Variants in NEK5 observed in about 807,000 individuals in gnomAD.
NEK5 encodes the protein serine/threonine-protein kinase Nek5.
In NEK5, 88 loss-of-function variants were observed where a neutral mutation model predicts 109.2. The observed-to-expected ratio is 0.81, with a 90% CI of 0.68 to 0.96. The LOEUF is 0.96. Among genes scored for constraint, NEK5 ranks in the 40% least tolerant of loss-of-function variants. The pLI is 0.00. For missense variants in NEK5, 834 were observed against 920.7 expected (o/e 0.91, Z 1.22); for synonymous variants, 283 against 299.9 (o/e 0.94, Z 0.58).
In NEK5 at chr13:52,071,410, C is replaced by G. The variant is rs188224784; in HGVS notation, c.1849+534G>C. On this transcript the variant is annotated intron_variant, in intron 20 of 23. Coordinates refer to ENST00000684899, the MANE Select transcript of NEK5 (RefSeq NM_001365552.1). ...GACCCTATAAAACTTCCCTCTAGCCCCTGCCTCTTAGCAGACAGCCTCTTC... is the reference window on the plus strand; with the variant it reads ...GACCCTATAAAACTTCCCTCTAGCCGCTGCCTCTTAGCAGACAGCCTCTTC... 2.4e-3 allele frequency among the ~76,000 whole-genome samples: 361 copies of G among 152,338 alleles called. 2 individuals carry two copies. The highest frequency in any genetic ancestry group is 8.3e-3 in the African/African-American group (345 of 41,578).
At chr13:52,063,354 CG>C (rs1446024831) in intron 21 of NEK5, among the ~76,000 whole-genome samples, 1 of 152,224 alleles carries the variant, frequency 6.6e-6, no homozygotes, top group African/African-American at 2.4e-5. Flanking sequence ...GGTTTGCAGA[CG>C]GAGTCTGGTT....
intron 12 of NEK5, 72 bp downstream of exon 12, chr13:52,099,671 A>C: frequency 1.4e-6 from 2 of 1,394,522 alleles, no homozygotes; most frequent in East Asian, 4.9e-5. Context: ...TCCGTCTCAA[A>C]ACAAACAAAC....
chr13:52,080,221 G>T (rs1336399612), intron 17 of NEK5, among the ~76,000 whole-genome samples: 2 of 140,100 alleles, frequency 1.4e-5, no homozygotes, highest in Non-Finnish European at 3.3e-5. Context: ...AGGTGGGGGG[G>T]GGTCAGCCCC....
At chr13:52,079,132 G>A (rs1297037270) in intron 17 of NEK5, among the ~76,000 whole-genome samples, 1 of 152,182 alleles carries the variant, frequency 6.6e-6, no homozygotes, top group Admixed American at 6.5e-5. Context: ...AAAAAGCTGT[G>A]CTAGAAACTT....
chr13:52,128,593 A>C (rs1361416786), intron 1 of NEK5, among the ~76,000 whole-genome samples: 1 of 152,112 alleles, frequency 6.6e-6, no homozygotes, highest in Non-Finnish European at 1.5e-5. Flanking sequence ...ACTGGGTTGC[A>C]GGGGGCTGGG....
At chr13:52,047,679 A>T (rs1275462779) in intron 23 of NEK5, among the ~76,000 whole-genome samples, 1 of 151,956 alleles carries the variant, frequency 6.6e-6, no homozygotes. Context: ...CGTCTCTACA[A>T]AAAACAAAAA....
At chr13:52,101,528 T>A (rs1955531066) in intron 11 of NEK5, among the ~76,000 whole-genome samples, 1 of 152,230 alleles carries the variant, frequency 6.6e-6, no homozygotes, top group East Asian at 1.9e-4. Context: ...GCTCCAATGG[T>A]CCTTTGCAAC....
In NEK5 at chr13:52,100,649, G is replaced by C. The variant is rs531499820; in HGVS notation, c.893-773C>G. 3.3e-5 allele frequency among the ~76,000 whole-genome samples: 5 copies of C among 152,176 alleles called. No homozygotes were observed. The East Asian group carries it at 9.7e-4, about 29-fold the overall frequency. Reference sequence around the variant, plus strand: ...AGCAATTTGGGAGGCCAAGGTAGGAGGATTGTTTGAGCTCAGGAGTTCGAG... The same window carrying C: ...AGCAATTTGGGAGGCCAAGGTAGGACGATTGTTTGAGCTCAGGAGTTCGAG... On this transcript the variant is annotated intron_variant, in intron 11 of 23. Coordinates refer to ENST00000684899, the MANE Select transcript of NEK5 (RefSeq NM_001365552.1).
At chr13:52,038,034 C>T (rs112184896) in intron 23 of NEK5, among the ~76,000 whole-genome samples, 3 of 152,226 alleles carry the variant, frequency 2.0e-5, no homozygotes, top group African/African-American at 7.2e-5. Flanking sequence ...GGGAATAGAT[C>T]AATAAGACAA....
At chr13:52,071,538 AAC>A (rs1954783837) in intron 20 of NEK5, among the ~76,000 whole-genome samples, 3 of 152,246 alleles carry the variant, frequency 2.0e-5, no homozygotes, top group Non-Finnish European at 2.9e-5. Context: ...TACTGCCCAC[AAC>A]ACTGGCCCCA....
chr13:52,037,181 C>T lies in NEK5; in HGVS notation c.2266G>A (p.Val756Ile). The T allele has an allele frequency of 2.0e-6, 2 of 984,540 alleles. No individual in the cohort carries two copies. Among genetic ancestry groups the T allele is most frequent in the South Asian group, 9.4e-5 (2 of 21,274 alleles). 61.0% of individuals were successfully genotyped at this position (984,540 alleles called of 1,614,324 possible). A position where few individuals can be genotyped will look rare whatever the true frequency, so the allele number is the denominator to read the frequency against. The change falls in exon 24 of 24, where the codon GTA becomes ATA. Residue 756 changes from valine to isoleucine, a missense_variant. Transcript: ENST00000684899. ...EESEDELRDE[V>I]VEYLEKLATF... Reference sequence around the variant, plus strand: ...GCGAGTTTTTCTAAGTATTCTACTACTTCATCTCTCAACTCATCTTCAGAT... The same window carrying T: ...GCGAGTTTTTCTAAGTATTCTACTATTTCATCTCTCAACTCATCTTCAGAT...
In NEK5 at chr13:52,110,592, C is replaced by G; in HGVS notation, c.313-15G>C. Reference sequence around the variant, plus strand: ...CAACCGAGGATCTATAGAGAGAACACAAAACAAAGCCACTGAATAGCCTGG... The same window carrying G: ...CAACCGAGGATCTATAGAGAGAACAGAAAACAAAGCCACTGAATAGCCTGG... On this transcript the variant is annotated splice_polypyrimidine_tract_variant and intron_variant, in intron 5 of 23. Coordinates refer to ENST00000684899, the MANE Select transcript of NEK5 (RefSeq NM_001365552.1). The G allele has an allele frequency of 6.4e-7, 1 of 1,552,804 alleles. No homozygotes were observed. Among genetic ancestry groups the G allele is most frequent in the Non-Finnish European group, 8.9e-7 (1 of 1,128,228 alleles).
intron 22 of NEK5, among the ~76,000 whole-genome samples, chr13:52,051,355 A>G (rs1399982511): frequency 6.6e-6 from 1 of 152,064 alleles, no homozygotes; most frequent in Non-Finnish European, 1.5e-5. Flanking sequence ...ATTTTCAATA[A>G]CACGTGAAGG....
chr13:52,116,591 C>G (rs1955861957), intron 4 of NEK5, among the ~76,000 whole-genome samples: 1 of 152,222 alleles, frequency 6.6e-6, no homozygotes, highest in East Asian at 1.9e-4. Context: ...TTTCAACTAG[C>G]TGAGACTCCG....
chr13:52,084,756 AGAGAGAGTGTGTGTGT>A (rs1256717802), intron 16 of NEK5, among the ~76,000 whole-genome samples: 58 of 52,136 alleles, frequency 1.1e-3, no homozygotes, highest in Middle Eastern at 0.015. Flanking sequence ...AGAGAGAGAG[AGAGAGAGTGTGTGTGT>A]GTGTGTGTGT....
In NEK5 at chr13:52,089,309, C is replaced by A. The variant is rs781125169; in HGVS notation, c.1213G>T (p.Ala405Ser). The A allele has an allele frequency of 1.2e-6, 2 of 1,601,416 alleles. No individual in the cohort carries two copies. The highest frequency in any genetic ancestry group is 1.7e-6 in the Non-Finnish European group (2 of 1,169,662). Reference sequence around the variant, plus strand: ...TCAAATTTTCTCTGAAGGTACTCAGCAGGCCTTAGAAAATAAGAATGTTCA... The same window carrying A: ...TCAAATTTTCTCTGAAGGTACTCAGAAGGCCTTAGAAAATAAGAATGTTCA... ...RHGPSPSQWP[A>S]EYLQRKFEAQ... is the part of the protein sequence containing the mutation. Residue 405 changes from alanine (A) to serine (S), a missense_variant, in exon 14 of 24, where the codon GCT becomes TCT. Around this residue, in one of 2 missense-constraint regions of NEK5, gnomAD observed 777 missense variants for 824.7 expected, o/e 0.94. Coordinates refer to ENST00000684899, the MANE Select transcript of NEK5 (RefSeq NM_001365552.1).
At chr13:52,103,095 AT>A (rs1240154500) in intron 9 of NEK5, among the ~76,000 whole-genome samples, 8 of 152,222 alleles carry the variant, frequency 5.3e-5, no homozygotes, top group Non-Finnish European at 1.0e-4. Flanking sequence ...ACCAATAGTT[AT>A]TTATACATAA....
rs1954333053 is a variant in NEK5, at chr13:52,033,965, C to CATT, written c.*2980_*2982dup. The CATT allele has an allele frequency of 6.6e-6, 1 of 152,256 alleles. No homozygotes were observed. Among genetic ancestry groups the CATT allele is most frequent in the South Asian group, 2.1e-4 (1 of 4,836 alleles). 9.4% of individuals were successfully genotyped at this position (152,256 alleles called of 1,614,324 possible). On this transcript the variant is annotated 3_prime_UTR_variant, in exon 24 of 24. Transcript: ENST00000684899. The stretch of plus-strand genomic sequence containing the variant: ...CCTCCCCGCTGCTCCTCTGCTAACT[C>CATT]ATTTTCCTCTTTTCCCACTCTAAAT...
chr13:52,116,900 A>C (rs1955870705), intron 4 of NEK5, among the ~76,000 whole-genome samples: 2 of 152,000 alleles, frequency 1.3e-5, no homozygotes, highest in South Asian at 4.2e-4. Flanking sequence ...GTTGCTTCAA[A>C]CCAATAAAAA....
Sources: allele counts gnomAD v4.1 joint callset (sites outside exome capture counted in the v4.1 genomes callset), GRCh38; gene constraint gnomAD v4.1.1; regional missense constraint gnomAD v4.1.1; transcripts MANE v1.5; gene names NCBI Gene and HGNC (gene_info 2026-07-23, HGNC 2026-07-21).